Variants in JAK3 observed in about 807,000 individuals in gnomAD.
JAK3 encodes Janus kinase 3, also known as tyrosine-protein kinase JAK3.
Under a neutral mutation model 120.8 loss-of-function variants are expected in JAK3, and 88 were observed. The observed-to-expected ratio is 0.73, with a 90% CI of 0.61 to 0.87. JAK3 has a LOEUF of 0.87. Ranked by LOEUF, JAK3 falls within the 40% of genes least tolerant of loss-of-function variation. The pLI is 0.00. For synonymous variants in JAK3, 592 were observed against 628.6 expected (o/e 0.94, Z 0.87); for missense variants, 1,254 against 1,501.4 (o/e 0.84, Z 2.72).
rs921402954 is a variant in JAK3, at chr19:17,834,507, G to A, written c.2350+64C>T. 5.0e-5 allele frequency: 80 copies of A among 1,597,938 alleles called. 1 individual carries two copies. The highest frequency in any genetic ancestry group is 6.1e-5 in the Non-Finnish European group (71 of 1,167,434). On this transcript the variant is annotated intron_variant, in intron 17 of 23. Transcript: ENST00000458235. The stretch of plus-strand genomic sequence containing the variant: ...CAGGGCGTGGCCTGCTGCAAACCAC[G>A]CTCCTTCCACTGGGCCCAATATGAC...
chr19:17,843,963 C>T lies in JAK3; in HGVS notation c.185-63G>A. ...CCCCATCTGTGCCCTTCAGGAGTGC[C>T]AGCATCATACCCAACCGTCCAGATC... is the stretch of plus-strand genomic sequence containing the variant. On this transcript the variant is annotated intron_variant, in intron 2 of 23. Transcript: ENST00000458235. The surrounding 1 kb of genome is among the most constrained non-coding windows in gnomAD (Gnocchi z 5.4). The T allele has an allele frequency of 1.3e-6, 2 of 1,596,260 alleles. No individual in the cohort carries two copies. The highest frequency in any genetic ancestry group is 2.2e-5 in the South Asian group (2 of 89,574).
chr19:17,839,454 T>C, intron 10 of JAK3, 23 bp downstream of exon 10: 1 of 1,558,250 alleles, frequency 6.4e-7, no homozygotes, highest in South Asian at 1.2e-5. Flanking sequence ...CAGCCACTCA[T>C]TCCAGGGGAG....
Position 17,831,032 on chromosome 19 carries a change from G to T in JAK3, c.2978+196C>A, listed in dbSNP as rs1461622607. Reference sequence around the variant, plus strand: ...GGGCTAAGGCTGGGGGCCGCTGACAGCAGGGCAGCGGGAGACAGAGGAGCC... The same window carrying T: ...GGGCTAAGGCTGGGGGCCGCTGACATCAGGGCAGCGGGAGACAGAGGAGCC... On this transcript the variant is annotated intron_variant, in intron 21 of 23. Transcript: ENST00000458235. This position sits in a 1 kb window ranked among gnomAD's most constrained non-coding sequence, Gnocchi z 5.1. Among the ~76,000 whole-genome samples, 1 of 148,128 alleles carries T rather than the reference G, an allele frequency of 6.8e-6. No homozygotes were observed. The highest frequency in any genetic ancestry group is 1.5e-5 in the Non-Finnish European group (1 of 66,718).
chr19:17,841,293 T>C lies in JAK3; in HGVS notation c.1142+96A>G. 7.6e-7 allele frequency: 1 copy of C among 1,311,322 alleles called. No individual in the cohort carries two copies. Among genetic ancestry groups the C allele is most frequent in the Non-Finnish European group, 1.0e-6 (1 of 958,348 alleles). The allele number at this position is 1,311,322 out of a possible 1,614,324, so 81.2% of individuals were successfully genotyped here. ...AGGTGTGGTTTGAAAACTTGACCCC[T>C]GTCCAGGGCTCCTGGAAGGTGAGGA... On this transcript the variant is annotated intron_variant, in intron 8 of 23. Transcript: ENST00000458235. This position sits in a 1 kb window ranked among gnomAD's most constrained non-coding sequence, Gnocchi z 4.1.
chr19:17,825,482 T>C lies in JAK3; in HGVS notation c.*1261A>G. The C allele has an allele frequency of 4.7e-6, 1 of 212,518 alleles. No homozygotes were observed. 13.2% of individuals were successfully genotyped at this position (212,518 alleles called of 1,614,324 possible). A position where few individuals can be genotyped will look rare whatever the true frequency, so the allele number is the denominator to read the frequency against. On this transcript the variant is annotated 3_prime_UTR_variant, in exon 24 of 24. Coordinates refer to ENST00000458235, the MANE Select transcript of JAK3 (RefSeq NM_000215.4). ...GGGACCCCAGCCTTTCCTGCCCCCT[T>C]TCAGGATCCCAAAGAGATACACGGG...
In JAK3 at chr19:17,824,908, C is replaced by G. The variant is rs990232897; in HGVS notation, c.*1835G>C. On this transcript the variant is annotated 3_prime_UTR_variant, in exon 24 of 24. Transcript: ENST00000458235. ...CAGCTGGACACAGACACTTCCCCAG[C>G]CCCAGGGCCAGAGTGGGGCTGGAGG... 1 of 218,252 alleles carries G rather than the reference C, an allele frequency of 4.6e-6. No individual in the cohort carries two copies. The highest frequency in any genetic ancestry group is 9.2e-6 in the Non-Finnish European group (1 of 108,574). The allele number at this position is 218,252 out of a possible 1,614,324, so 13.5% of individuals were successfully genotyped here. A position where few individuals can be genotyped will look rare whatever the true frequency, so the allele number is the denominator to read the frequency against.
rs556271960 is a variant in JAK3 at position 17,830,099 on chromosome 19, G to A, written c.3207+9C>T. The A allele has an allele frequency of 2.6e-6, 4 of 1,552,320 alleles. No homozygotes were observed. The highest frequency in any genetic ancestry group is 2.4e-5 in the South Asian group (2 of 84,792). Reference sequence around the variant, plus strand: ...ACTGGGAAACTGAGGCTAGCCCTGCGGCGCTCACCTCAGCAGGGCAGGCAG... The same window carrying A: ...ACTGGGAAACTGAGGCTAGCCCTGCAGCGCTCACCTCAGCAGGGCAGGCAG... On this transcript the variant is annotated intron_variant, in intron 23 of 23. Transcript: ENST00000458235.
intron 14 of JAK3, 52 bp from the exon 15 acceptor site, chr19:17,835,267 GTC>G (rs1206824476): frequency 6.3e-7 from 1 of 1,599,048 alleles, no homozygotes; most frequent in African/African-American, 1.3e-5. Flanking sequence ...TGAATGAAGA[GTC>G]TGTTTGGCAA....
rs200579386 is a variant in JAK3, at chr19:17,832,836, G to A, written c.2444C>T (p.Thr815Met). The change falls in exon 18 of 24, where the codon ACG becomes ATG. Residue 815 changes from threonine to methionine, a missense_variant. Around this residue, in one of 3 missense-constraint regions of JAK3, gnomAD observed 630 missense variants for 819.8 expected, o/e 0.77. Coordinates refer to ENST00000458235, the MANE Select transcript of JAK3 (RefSeq NM_000215.4). This position sits in a 1 kb window ranked among gnomAD's most constrained non-coding sequence, Gnocchi z 4.7. The part of the protein sequence containing the change: ...GAQLYACQDP[T>M]IFEERHLKYI... ...CTTGAGGTGTCTCTCCTCGAAGATC[G>A]TGGGGTCTTGGCAGGCATAGAGCTG... is the stretch of plus-strand genomic sequence containing the variant. 1.5e-5 allele frequency: 25 copies of A among 1,614,142 alleles called. No individual in the cohort carries two copies. The highest frequency in any genetic ancestry group is 2.7e-5 in the African/African-American group (2 of 74,946).
intron 23 of JAK3, 107 bp downstream of exon 23, chr19:17,830,001 A>C (rs188758881): frequency 2.6e-4 from 215 of 834,614 alleles, no homozygotes; most frequent in Non-Finnish European, 3.7e-4. Flanking sequence ...TCGGCCTCAC[A>C]CTCTAGCCTT....
chr19:17,842,838 G>T lies in JAK3; in HGVS notation c.566+189C>A. On this transcript the variant is annotated intron_variant, in intron 5 of 23. Transcript: ENST00000458235. This position sits in a 1 kb window ranked among gnomAD's most constrained non-coding sequence, Gnocchi z 6.4. ...GGGACCCCACAGGCCTTTTAGCTGG[G>T]GGAGGTCAGGTGTCTGTCCAGCTGG... The T allele has an allele frequency of 1.1e-6, 1 of 892,282 alleles. No individual in the cohort carries two copies. The highest frequency in any genetic ancestry group is 1.7e-6 in the Non-Finnish European group (1 of 577,962). The allele number at this position is 892,282 out of a possible 1,614,324, so 55.3% of individuals were successfully genotyped here.
In JAK3 at chr19:17,840,780, A is replaced by AG. The variant is rs544039484; in HGVS notation, c.1143-440dup. On this transcript the variant is annotated intron_variant, in intron 8 of 23. Coordinates refer to ENST00000458235, the MANE Select transcript of JAK3 (RefSeq NM_000215.4). ...TCCGTCTCAAAAAAAAAAAGAAAAA[A>AG]GAAAATCAGCCGTAAGTCTTGGCCT... Among the ~76,000 whole-genome samples the AG allele has an allele frequency of 9.3e-3, 1,410 of 151,686 alleles. 30 individuals are homozygous for AG. The highest frequency in any genetic ancestry group is 0.032 in the African/African-American group (1,338 of 41,224).
rs1329907653 is a variant in JAK3, at chr19:17,844,445, GAA to G, written c.-13-17_-13-16del. 6.3e-7 allele frequency: 1 copy of G among 1,593,818 alleles called. No homozygotes were observed. The highest frequency in any genetic ancestry group is 8.5e-7 in the Non-Finnish European group (1 of 1,170,946). Reference sequence around the variant, plus strand: ...GTGCAACTTGCCTGGGGCACAGAGAGAAAAAGCCCCTCAGTCCTGGTCAGAGG... The same window carrying G: ...GTGCAACTTGCCTGGGGCACAGAGAGAAAGCCCCTCAGTCCTGGTCAGAGG... On this transcript the variant is annotated splice_polypyrimidine_tract_variant and intron_variant, in intron 1 of 23. Transcript: ENST00000458235.
At chr19:17,847,742 G>T (rs1192508893) in intron 1 of JAK3, among the ~76,000 whole-genome samples, 1 of 152,080 alleles carries the variant, frequency 6.6e-6, no homozygotes, top group Non-Finnish European at 1.5e-5. Context: ...GCATCTCCCG[G>T]CCTTAGTCAA....
intron 17 of JAK3, among the ~76,000 whole-genome samples, chr19:17,834,009 G>C (rs996837004): frequency 5.9e-5 from 9 of 152,018 alleles, no homozygotes; most frequent in African/African-American, 2.2e-4. Context: ...CCTATAGCTG[G>C]AACTATAGGC....
chr19:17,839,756 T>C (rs2094233505), intron 9 of JAK3, 93 bp from the exon 10 acceptor site: 3 of 1,092,316 alleles, frequency 2.7e-6, no homozygotes. Context: ...TTTTTTTTTT[T>C]TGGAGACGGA....
At chr19:17,837,442 G>A (rs2094226981) in intron 12 of JAK3, among the ~76,000 whole-genome samples, 1 of 152,064 alleles carries the variant, frequency 6.6e-6, no homozygotes, top group Non-Finnish European at 1.5e-5. Context: ...TTGAGACAGA[G>A]TCTCCCTCTG....
intron 23 of JAK3, 90 bp from the exon 24 acceptor site, chr19:17,827,000 G>T: frequency 7.0e-7 from 1 of 1,426,506 alleles, no homozygotes; most frequent in Non-Finnish European, 9.5e-7. Flanking sequence ...GTTTTTTTGA[G>T]ACGGAGTCTA....
Position 17,842,433 on chromosome 19 carries a change from G to C in JAK3, c.744C>G (p.Ala248=), listed in dbSNP as rs768699076. The change falls in exon 6 of 24, where the codon GCC becomes GCG. Residue 248 remains alanine (A), a synonymous_variant. Coordinates refer to ENST00000458235, the MANE Select transcript of JAK3 (RefSeq NM_000215.4). The surrounding 1 kb of genome is among the most constrained non-coding windows in gnomAD (Gnocchi z 6.4). ...YIMDLERLDP[A]GAAETFHVGL... ...CCACGTGGAAGGTCTCGGCGGCCCC[G>C]GCTGGATCCAGCCGCTCCAGGTCCA... The C allele has an allele frequency of 3.9e-5, 62 of 1,585,486 alleles. 1 individual carries two copies. The highest frequency in any genetic ancestry group is 1.8e-4 in the South Asian group (16 of 87,870).
Sources: allele counts gnomAD v4.1 joint callset (sites outside exome capture counted in the v4.1 genomes callset), GRCh38; gene constraint gnomAD v4.1.1; regional missense constraint gnomAD v4.1.1; non-coding constraint Gnocchi (gnomAD v3.1); transcripts MANE v1.5; gene names NCBI Gene and HGNC (gene_info 2026-07-23, HGNC 2026-07-21).